GRM8: variants seen among roughly 807,000 people sequenced by gnomAD.
GRM8 encodes the protein glutamate metabotropic receptor 8, also known as metabotropic glutamate receptor 8.
Under a neutral mutation model 87.2 loss-of-function variants are expected in GRM8, and 47 were observed. The ratio of observed to expected loss-of-function variants is 0.54; its 90% CI spans 0.43 to 0.69. The LOEUF (loss-of-function observed/expected upper bound fraction) is 0.69, where lower values mean the gene tolerates loss of function less well. Among genes scored for constraint, GRM8 ranks in the 30% least tolerant of loss-of-function variants. The pLI, the probability that GRM8 is intolerant of heterozygous loss-of-function variation, is 0.00. For synonymous variants in GRM8, 396 were observed against 404.5 expected, an observed-to-expected ratio of 0.98 and a Z score of 0.25; for missense variants, 1,019 against 1,139.2, an observed-to-expected ratio of 0.89 and a Z score of 1.52.
chr7:126,972,810 C>A (rs1810565021), intron 3 of GRM8, among the ~76,000 whole-genome samples: 1 of 152,186 alleles, frequency 6.6e-6, no homozygotes, highest in South Asian at 2.1e-4. Context: ...AATTGTAATC[C>A]ATTCATGCTA....
chr7:126,799,471 G>A (rs1822394897), intron 6 of GRM8, among the ~76,000 whole-genome samples: 1 of 152,070 alleles, frequency 6.6e-6, no homozygotes, highest in African/African-American at 2.4e-5. Flanking sequence ...TAACAATAAT[G>A]TAGACATGAT....
chr7:126,533,368 G>T lies in GRM8; in HGVS notation c.2014C>A (p.Arg672Ser). The T allele has an allele frequency of 6.2e-7, 1 of 1,613,924 alleles. No individual in the cohort carries two copies. The highest frequency in any genetic ancestry group is 8.5e-7 in the Non-Finnish European group (1 of 1,179,980). Residue 672 changes from arginine (R) to serine (S), a missense_variant, in exon 9 of 11, where the codon CGT (arginine) becomes AGT (serine). By Grantham distance (110) the Arg-to-Ser change is moderately radical (BLOSUM62 -1). Coordinates refer to ENST00000339582, the MANE Select transcript of GRM8 (RefSeq NM_000845.3). ...CCCTGCTCAAATATTCGGTGGATAC[G>T]GTTTGTTTTGGTCAGAAGGGCTGCA... ...SYAALLTKTN[R>S]IHRIFEQGKK...
rs1587052397 is a variant in GRM8 at position 127,111,819 on chromosome 7, G to GC, written c.511-5108_511-5107insG. On this transcript the variant is annotated intron_variant, in intron 2 of 10. Transcript: ENST00000339582. ...AGGTGGGCAGATCACCTGAGGTCAG[G>GC]AGTTCGAGACCAGCCTGGTCAACAC... 2.0e-5 allele frequency among the ~76,000 whole-genome samples: 3 copies of GC among 152,154 alleles called. No homozygotes were observed. The East Asian group carries it at 5.8e-4, about 29-fold the overall frequency.
rs181547659 is a variant in GRM8, at chr7:127,148,908, T to C, written c.511-42196A>G. The stretch of plus-strand genomic sequence containing the variant: ...ACATGGAAAAGAATGAAATCAGACC[T>C]TTATCTTACACCACACACAAAAATC... On this transcript the variant is annotated intron_variant, in intron 2 of 10. Transcript: ENST00000339582. Among the ~76,000 whole-genome samples the C allele has an allele frequency of 3.8e-3, 581 of 152,130 alleles. 3 individuals carry two copies. Among genetic ancestry groups the C allele is most frequent in the Non-Finnish European group, 6.0e-3 (408 of 67,940 alleles).
At chr7:126,775,479 GTTTTTTTTTTT>G (rs372733476) in intron 6 of GRM8, among the ~76,000 whole-genome samples, 8 of 104,754 alleles carry the variant, frequency 7.6e-5, no homozygotes, top group Non-Finnish European at 1.2e-4. Flanking sequence ...TGACAAATAG[GTTTTTTTTTTT>G]TTTTTTTTTT....
intron 3 of GRM8, among the ~76,000 whole-genome samples, chr7:127,085,602 T>C (rs1357248061): frequency 6.6e-6 from 1 of 152,248 alleles, no homozygotes; most frequent in Non-Finnish European, 1.5e-5. Flanking sequence ...GCTGCATAAA[T>C]GTGTTCTTTT....
intron 8 of GRM8, among the ~76,000 whole-genome samples, chr7:126,534,311 A>G (rs1271712695): frequency 6.6e-6 from 1 of 152,232 alleles, no homozygotes; most frequent in African/African-American, 2.4e-5. Context: ...AAGATGATCC[A>G]TGTCTTTCTA....
chr7:127,071,215 A>T (rs1821651040), intron 3 of GRM8, among the ~76,000 whole-genome samples: 1 of 152,192 alleles, frequency 6.6e-6, no homozygotes, highest in African/African-American at 2.4e-5. Context: ...TGGGGAAAAA[A>T]AATACCTAAA....
chr7:126,577,180 G>T (rs192502475), intron 8 of GRM8, among the ~76,000 whole-genome samples: 3 of 152,258 alleles, frequency 2.0e-5, no homozygotes, highest in Admixed American at 2.0e-4. Flanking sequence ...AGAGGTTTAG[G>T]TTATCACCCA....
intron 6 of GRM8, among the ~76,000 whole-genome samples, chr7:126,860,656 A>T (rs1798065639): frequency 6.6e-6 from 1 of 152,170 alleles, no homozygotes. Flanking sequence ...TGTAGATATT[A>T]ACTCCAATTC....
At chr7:127,039,486 G>C (rs1039490897) in intron 3 of GRM8, among the ~76,000 whole-genome samples, 1 of 151,862 alleles carries the variant, frequency 6.6e-6, no homozygotes, top group Non-Finnish European at 1.5e-5. Flanking sequence ...TGAGTCTGTG[G>C]TATTTGTTGT....
chr7:126,615,222 A>G (rs1035919126), intron 7 of GRM8, among the ~76,000 whole-genome samples: 1 of 152,204 alleles, frequency 6.6e-6, no homozygotes, highest in African/African-American at 2.4e-5. Flanking sequence ...CCAATATTCA[A>G]CATTCTTAAA....
rs116519915 is a variant in GRM8 at position 126,590,140 on chromosome 7, C to T, written c.1494+19222G>A. ...TGAAATAAAAAAAAAAAATGATAGA[C>T]GGTATAAGGGAAAAATCTTCAGTGA... is the stretch of plus-strand genomic sequence containing the variant. On this transcript the variant is annotated intron_variant, in intron 8 of 10. Coordinates refer to ENST00000339582, the MANE Select transcript of GRM8 (RefSeq NM_000845.3). Among the ~76,000 whole-genome samples, 1,369 of 150,464 alleles carry T rather than the reference C, an allele frequency of 9.1e-3. 16 individuals carry two copies. Among genetic ancestry groups the T allele is most frequent in the South Asian group, 0.042 (202 of 4,758 alleles).
chr7:127,012,324 C>A (rs916480848), intron 3 of GRM8, among the ~76,000 whole-genome samples: 1 of 152,036 alleles, frequency 6.6e-6, no homozygotes, highest in African/African-American at 2.4e-5. Flanking sequence ...ATTCTGTATA[C>A]CCGGTGTGCC....
chr7:126,562,286 T>C (rs1475878484), intron 8 of GRM8, among the ~76,000 whole-genome samples: 5 of 152,184 alleles, frequency 3.3e-5, no homozygotes, highest in Admixed American at 1.3e-4. Flanking sequence ...AAGATTTACT[T>C]GCATCAAAGG....
chr7:127,085,044 A>G (rs1208159628), intron 3 of GRM8, among the ~76,000 whole-genome samples: 3 of 152,100 alleles, frequency 2.0e-5, no homozygotes, highest in Non-Finnish European at 2.9e-5. Context: ...ATTCCCACCT[A>G]TGAGTGAGAA....
chr7:126,461,442 G>A (rs1334612431), intron 9 of GRM8, among the ~76,000 whole-genome samples: 6 of 151,546 alleles, frequency 4.0e-5, no homozygotes, highest in Non-Finnish European at 7.4e-5. Context: ...CTCTTTCCAA[G>A]AGAGTTGTTT....
intron 2 of GRM8, among the ~76,000 whole-genome samples, chr7:127,137,391 C>T (rs1166726258): frequency 1.3e-5 from 2 of 152,098 alleles, no homozygotes; most frequent in African/African-American, 4.8e-5. Flanking sequence ...CCATTACAGA[C>T]AGGAACTATG....
intron 6 of GRM8, among the ~76,000 whole-genome samples, chr7:126,883,147 AGC>A (rs1470260922): frequency 1.3e-5 from 2 of 152,192 alleles, no homozygotes; most frequent in African/African-American, 4.8e-5. Flanking sequence ...AAACTCGAGA[AGC>A]TTCGCAGATA....
Sources: allele counts gnomAD v4.1 joint callset (sites outside exome capture counted in the v4.1 genomes callset), GRCh38; gene constraint gnomAD v4.1.1; transcripts MANE v1.5; gene names NCBI Gene and HGNC (gene_info 2026-07-23, HGNC 2026-07-21).